SCUBE1: variants seen among roughly 807,000 people sequenced by gnomAD.
The protein encoded by SCUBE1 is signal peptide, CUB domain and EGF like domain containing 1.
Under a neutral mutation model 124.4 loss-of-function variants are expected in SCUBE1, and 59 were observed. The observed-to-expected ratio is 0.47, with a 90% CI of 0.38 to 0.59. The LOEUF is 0.59. Ranked by LOEUF, SCUBE1 falls within the 20% of genes least tolerant of loss-of-function variation. The pLI, the probability that SCUBE1 is intolerant of heterozygous loss-of-function variation, is 0.00. For missense variants in SCUBE1, 1,150 were observed against 1,371.2 expected (o/e 0.84, Z 2.55); for synonymous variants, 545 against 550.9 (o/e 0.99, Z 0.15).
At chr22:43,212,803 G>A (rs1044409572) in intron 16 of SCUBE1, 16 of 579,968 alleles carry the variant, frequency 2.8e-5, no homozygotes, top group African/African-American at 5.7e-5. Flanking sequence ...GTTCATGTGC[G>A]GCCTTGGTCA....
intron 11 of SCUBE1, 77 bp downstream of exon 11, chr22:43,223,020 G>A (rs1922159268): frequency 6.8e-7 from 1 of 1,479,618 alleles, no homozygotes; most frequent in Non-Finnish European, 9.0e-7. Context: ...CTGGAGGACA[G>A]CTGGGAGCAA....
At chr22:43,206,531 G>A (rs1921288890) in intron 21 of SCUBE1, among the ~76,000 whole-genome samples, 1 of 152,104 alleles carries the variant, frequency 6.6e-6, no homozygotes, top group Non-Finnish European at 1.5e-5. Context: ...GGAAGGAGGG[G>A]CACGCGGGAC....
intron 8 of SCUBE1, among the ~76,000 whole-genome samples, chr22:43,230,599 A>G (rs1267824802): frequency 6.6e-6 from 1 of 152,210 alleles, no homozygotes; most frequent in East Asian, 1.9e-4. Context: ...AGGCCAACAG[A>G]GAAACAAAGT....
intron 6 of SCUBE1, among the ~76,000 whole-genome samples, chr22:43,245,074 A>ACGC (rs1210692615): frequency 1.3e-5 from 2 of 152,240 alleles, no homozygotes; most frequent in African/African-American, 4.8e-5. Flanking sequence ...GATAAAAGCC[A>ACGC]CGCCGTGCTC....
intron 4 of SCUBE1, among the ~76,000 whole-genome samples, chr22:43,286,296 G>A (rs1314833157): frequency 6.6e-6 from 1 of 152,262 alleles, no homozygotes; most frequent in Non-Finnish European, 1.5e-5. Flanking sequence ...GTAGAGCTGG[G>A]GTTCCAGCCT....
intron 2 of SCUBE1, among the ~76,000 whole-genome samples, chr22:43,325,621 A>C (rs558956797): frequency 6.6e-6 from 1 of 152,304 alleles, no homozygotes; most frequent in Non-Finnish European, 1.5e-5. Flanking sequence ...GTGGCAGGAC[A>C]AAAGATCTGA....
At chr22:43,334,159 T>A (rs537896402) in intron 2 of SCUBE1, among the ~76,000 whole-genome samples, 2 of 152,210 alleles carry the variant, frequency 1.3e-5, no homozygotes, top group African/African-American at 4.8e-5. Context: ...TTTCATCTAC[T>A]GCAAAAATGA....
chr22:43,214,207 A>G lies in SCUBE1; in HGVS notation c.1936T>C (p.Cys646Arg). Reference sequence around the variant, plus strand: ...TATGTTCCTGGCATACATGACACACACTGGCCGAGCTCACCACCGAAGTGG... The same window carrying G: ...TATGTTCCTGGCATACATGACACACGCTGGCCGAGCTCACCACCGAAGTGG... ...GTHFGGELGQ[C>R]VSCMPGTYQD... Residue 646 changes from cysteine (C) to arginine (R), a missense_variant, in exon 16 of 22, where the codon TGT (cysteine) becomes CGT (arginine). Around this residue, in one of 3 missense-constraint regions of SCUBE1, gnomAD observed 757 missense variants for 840.9 expected, o/e 0.90. Coordinates refer to ENST00000360835, the MANE Select transcript of SCUBE1 (RefSeq NM_173050.5). 1 of 1,612,814 alleles carries G rather than the reference A, an allele frequency of 6.2e-7. No individual in the cohort carries two copies.
chr22:43,301,715 A>T (rs914247464), intron 3 of SCUBE1, among the ~76,000 whole-genome samples: 10 of 152,166 alleles, frequency 6.6e-5, no homozygotes, highest in African/African-American at 2.4e-4. Flanking sequence ...CCCAGGCAAC[A>T]CAGAGCCCCT....
At chr22:43,342,264 TG>T (rs937757738) in intron 1 of SCUBE1, among the ~76,000 whole-genome samples, 1 of 5,596 alleles carries the variant, frequency 1.8e-4, no homozygotes, top group Non-Finnish European at 5.5e-4. Flanking sequence ...GGTGGGAGGG[TG>T]GGGGGGTCCC....
intron 3 of SCUBE1, among the ~76,000 whole-genome samples, chr22:43,295,354 C>T (rs966861418): frequency 3.3e-5 from 5 of 152,250 alleles, no homozygotes; most frequent in African/African-American, 1.2e-4. Context: ...ATCCTGTCCC[C>T]GCCCTGGGGT....
intron 3 of SCUBE1, among the ~76,000 whole-genome samples, chr22:43,304,662 T>C (rs1409570120): frequency 6.6e-6 from 1 of 152,132 alleles, no homozygotes; most frequent in Non-Finnish European, 1.5e-5. Flanking sequence ...ATATGGCTCA[T>C]TTGACAGAGA....
intron 13 of SCUBE1, 99 bp downstream of exon 13, chr22:43,221,074 G>A: frequency 1.2e-6 from 1 of 806,472 alleles, no homozygotes; most frequent in Non-Finnish European, 2.0e-6. Flanking sequence ...CTCCACCCTT[G>A]GAAACCAGAC....
At chr22:43,297,728 G>A (rs905192012) in intron 3 of SCUBE1, among the ~76,000 whole-genome samples, 17 of 152,200 alleles carry the variant, frequency 1.1e-4, no homozygotes, top group Non-Finnish European at 2.5e-4. Flanking sequence ...CTGGCTGTTT[G>A]TTCTACTTTG....
chr22:43,238,355 T>A (rs1922854369), intron 7 of SCUBE1: 1 of 254,054 alleles, frequency 3.9e-6, no homozygotes, highest in Non-Finnish European at 7.5e-6. Context: ...ACACTGTCCT[T>A]ATTTTTCCTG....
chr22:43,343,099 G>T, intron 1 of SCUBE1, 75 bp downstream of exon 1: 2 of 701,030 alleles, frequency 2.9e-6, no homozygotes, highest in Non-Finnish European at 3.7e-6. Context: ...CCGCGGGGAA[G>T]AAGCCCTCCG....
chr22:43,248,401 C>T (rs1923304336), intron 6 of SCUBE1, among the ~76,000 whole-genome samples: 1 of 152,238 alleles, frequency 6.6e-6, no homozygotes, highest in Non-Finnish European at 1.5e-5. Context: ...CTAAGCCCTG[C>T]CTGGCACTGC....
intron 2 of SCUBE1, among the ~76,000 whole-genome samples, chr22:43,327,205 C>T (rs1926755300): frequency 6.6e-6 from 1 of 152,182 alleles, no homozygotes; most frequent in South Asian, 2.1e-4. Flanking sequence ...ATGTCTATCT[C>T]ACAGCAGCAA....
At chr22:43,308,152 A>G (rs1236684420) in intron 3 of SCUBE1, among the ~76,000 whole-genome samples, 1 of 152,254 alleles carries the variant, frequency 6.6e-6, no homozygotes, top group Non-Finnish European at 1.5e-5. Flanking sequence ...AAGCGAGTCT[A>G]TAAAGATGTA....
Sources: allele counts gnomAD v4.1 joint callset (sites outside exome capture counted in the v4.1 genomes callset), GRCh38; gene constraint gnomAD v4.1.1; regional missense constraint gnomAD v4.1.1; transcripts MANE v1.5; gene names NCBI Gene and HGNC (gene_info 2026-07-23, HGNC 2026-07-21).